The following KIF18A variants were observed in gnomAD, a reference collection of about 807,000 sequenced individuals.
The protein encoded by KIF18A is kinesin-like protein KIF18A.
Under a neutral mutation model 103.3 loss-of-function variants are expected in KIF18A, and 67 were observed. The observed-to-expected ratio is 0.65, with a 90% CI of 0.53 to 0.79. The LOEUF (loss-of-function observed/expected upper bound fraction) is 0.79, where lower values mean the gene tolerates loss of function less well. KIF18A is among the 30% of genes least tolerant of loss of function. The pLI is 0.00. For missense variants in KIF18A, 1,032 were observed against 1,062.5 expected (o/e 0.97, Z 0.40); for synonymous variants, 367 against 355.5 (o/e 1.03, Z -0.36).
At chr11:28,069,159 A>G in intron 11 of KIF18A, 100 bp downstream of exon 11, 1 of 870,594 alleles carries the variant, frequency 1.1e-6, no homozygotes, top group South Asian at 1.5e-5. Flanking sequence ...TGAGGCAATA[A>G]TAGTTGTCTT....
intron 9 of KIF18A, among the ~76,000 whole-genome samples, chr11:28,079,306 G>C (rs994112580): frequency 2.7e-5 from 4 of 149,256 alleles, no homozygotes; most frequent in Non-Finnish European, 5.9e-5. Flanking sequence ...AATTACATGA[G>C]GACCGCTCCC....
chr11:28,090,712 C>G lies in KIF18A; in HGVS notation c.604G>C (p.Glu202Gln). Residue 202 changes from glutamate (E) to glutamine (Q), a missense_variant, in exon 5 of 17, where the codon GAA (glutamate) becomes CAA (glutamine). Transcript: ENST00000263181. Reference protein sequence around the residue: ...LTLHQPKSSEEILHLLDNGNK... With the variant: ...LTLHQPKSSEQILHLLDNGNK... Reference sequence around the variant, plus strand: ...CCATTATCCAATAAATGTAAAATTTCTTCTGAGGATTTGGGCTGGAGAAGT... The same window carrying G: ...CCATTATCCAATAAATGTAAAATTTGTTCTGAGGATTTGGGCTGGAGAAGT... 1 of 1,598,540 alleles carries G rather than the reference C, an allele frequency of 6.3e-7. No individual in the cohort carries two copies. Among genetic ancestry groups the G allele is most frequent in the Non-Finnish European group, 8.6e-7 (1 of 1,167,722 alleles).
chr11:28,094,928 T>C (rs941884232), intron 2 of KIF18A, 128 bp from the exon 3 acceptor site: 7 of 843,446 alleles, frequency 8.3e-6, no homozygotes, highest in Non-Finnish European at 1.3e-5. Context: ...TCCAAAATTA[T>C]AGTCTTATCC....
At chr11:28,098,859 C>A (rs1448249159) in intron 1 of KIF18A, among the ~76,000 whole-genome samples, 2 of 150,700 alleles carry the variant, frequency 1.3e-5, no homozygotes, top group Non-Finnish European at 3.0e-5. Context: ...AAAAAACAAA[C>A]AACAACAACA....
intron 3 of KIF18A, among the ~76,000 whole-genome samples, chr11:28,092,254 A>T (rs1565090298): frequency 6.6e-6 from 1 of 151,758 alleles, no homozygotes; most frequent in Non-Finnish European, 1.5e-5. Context: ...AAACTTTTGA[A>T]ATTTTAGAGC....
chr11:28,033,695 G>T (rs1406451977), intron 15 of KIF18A, among the ~76,000 whole-genome samples: 1 of 151,558 alleles, frequency 6.6e-6, no homozygotes, highest in Non-Finnish European at 1.5e-5. Context: ...TAGAATGATG[G>T]TTACCAGAGG....
At position 28,069,369 on chromosome 11, in the gene KIF18A, G is replaced by A. The variant is rs1850980058; in HGVS notation, c.1480C>T (p.Leu494=). The A allele has an allele frequency of 6.2e-7, 1 of 1,613,474 alleles. No homozygotes were observed. Among genetic ancestry groups the A allele is most frequent in the African/African-American group, 1.3e-5 (1 of 74,872 alleles). ...AATTCCTCCTCCCTCCTTTTCTCCA[G>A]GTAGGAGCGACGAGTTTTCAACATT... ...LAMLKTRRSY[L]EKRREEELKQ... is the part of the protein sequence containing the mutation. Residue 494 remains leucine, a synonymous_variant, in exon 11 of 17, where the codon CTG becomes TTG. Transcript: ENST00000263181.
intron 15 of KIF18A, among the ~76,000 whole-genome samples, 189 bp from the exon 16 acceptor site, chr11:28,024,039 T>C (rs551383897): frequency 1.3e-5 from 2 of 152,104 alleles, no homozygotes; most frequent in Admixed American, 6.5e-5. Context: ...TGATTTTAAA[T>C]TGGATATTTT....
At chr11:28,066,771 T>A (rs1850933294) in intron 11 of KIF18A, among the ~76,000 whole-genome samples, 1 of 148,118 alleles carries the variant, frequency 6.8e-6, no homozygotes, top group African/African-American at 2.5e-5. Flanking sequence ...GAATCATTGT[T>A]CTGGAAGAGA....
Position 28,021,514 on chromosome 11 carries a change from T to TA in KIF18A, c.2615-233dup, listed in dbSNP as rs1850244813. 2.6e-5 allele frequency among the ~76,000 whole-genome samples: 4 copies of TA among 152,326 alleles called. No individual in the cohort carries two copies. The South Asian group carries it at 8.3e-4, about 32-fold the overall frequency. On this transcript the variant is annotated intron_variant, in intron 16 of 16. Coordinates refer to ENST00000263181, the MANE Select transcript of KIF18A (RefSeq NM_031217.4). ...TAAAGTTTCAGTGAGTGCGTGCACA[T>TA]ACACAGACATCGGGTGAAGTCGCTG...
At chr11:28,076,553 T>C (rs1590698392) in intron 10 of KIF18A, 1 of 152,338 alleles carries the variant, frequency 6.6e-6, no homozygotes, top group African/African-American at 2.4e-5. Context: ...TTTTAAAAAA[T>C]GTTTGCTACA....
intron 13 of KIF18A, among the ~76,000 whole-genome samples, chr11:28,052,933 A>G (rs904695421): frequency 3.3e-5 from 5 of 152,068 alleles, no homozygotes; most frequent in African/African-American, 1.2e-4. Context: ...CTCTTCAATT[A>G]AAAAAAACAC....
At chr11:28,077,238 A>G (rs997030565) in intron 9 of KIF18A, 69 bp from the exon 10 acceptor site, 1 of 1,077,990 alleles carries the variant, frequency 9.3e-7, no homozygotes, top group East Asian at 2.7e-5. Context: ...TTTACTTAAG[A>G]GAAATGCATA....
intron 15 of KIF18A, among the ~76,000 whole-genome samples, chr11:28,029,181 A>T (rs1850362219): frequency 6.6e-6 from 1 of 152,226 alleles, no homozygotes; most frequent in African/African-American, 2.4e-5. Context: ...TCATTTTATG[A>T]GACCAGCATC....
intron 13 of KIF18A, among the ~76,000 whole-genome samples, chr11:28,037,372 CAA>C (rs1850507015): frequency 6.6e-6 from 1 of 151,382 alleles, no homozygotes; most frequent in African/African-American, 2.4e-5. Flanking sequence ...AACAAACAAA[CAA>C]ATAAACCAAA....
At chr11:28,106,297 G>A (rs764123342) in intron 1 of KIF18A, among the ~76,000 whole-genome samples, 34 of 152,098 alleles carry the variant, frequency 2.2e-4, no homozygotes, top group Non-Finnish European at 4.4e-4. Flanking sequence ...GAAGTAGAGT[G>A]ACAGTTATGA....
chr11:28,052,616 C>T (rs1850724947), intron 13 of KIF18A, among the ~76,000 whole-genome samples: 1 of 152,102 alleles, frequency 6.6e-6, no homozygotes, highest in South Asian at 2.1e-4. Flanking sequence ...TCCTCCCTGG[C>T]CACACTCCTG....
At chr11:28,030,199 C>G (rs1053559354) in intron 15 of KIF18A, among the ~76,000 whole-genome samples, 1 of 145,026 alleles carries the variant, frequency 6.9e-6, no homozygotes, top group South Asian at 2.3e-4. Context: ...TCATATGGAA[C>G]CAGAAAACAG....
At chr11:28,026,089 CATT>C (rs1447266259) in intron 15 of KIF18A, among the ~76,000 whole-genome samples, 1 of 151,634 alleles carries the variant, frequency 6.6e-6, no homozygotes, top group Non-Finnish European at 1.5e-5. Flanking sequence ...ATTATGTATG[CATT>C]ATATTTAAAT....
Sources: allele counts gnomAD v4.1 joint callset (sites outside exome capture counted in the v4.1 genomes callset), GRCh38; gene constraint gnomAD v4.1.1; transcripts MANE v1.5; gene names NCBI Gene and HGNC (gene_info 2026-07-23, HGNC 2026-07-21).